The following ARFGEF3 variants were observed in gnomAD, a reference collection of about 807,000 sequenced individuals.
ARFGEF3 encodes the protein ARFGEF family member 3.
A neutral mutation model predicts 221.7 loss-of-function variants in ARFGEF3; 96 were observed. The observed-to-expected ratio is 0.43, with a 90% CI of 0.37 to 0.51. ARFGEF3 has a LOEUF of 0.51. Ranked by LOEUF, ARFGEF3 falls within the 20% of genes least tolerant of loss-of-function variation. The pLI is 0.00. For synonymous variants in ARFGEF3, 1,145 were observed against 1,126.8 expected (o/e 1.02, Z -0.32); for missense variants, 2,410 against 2,789.9 (o/e 0.86, Z 3.07).
In ARFGEF3 at chr6:138,207,043, G is replaced by A; in HGVS notation, c.139G>A (p.Glu47Lys). Residue 47 changes from glutamate to lysine, a missense_variant and splice_region_variant, in exon 3 of 34, where the codon GAG becomes AAG. Glu to Lys is a moderately conservative substitution (Grantham distance 56). Transcript: ENST00000251691. ...IVKIPPHVLR[E>K]KCLLPLQLAL... Reference sequence around the variant, plus strand: ...TGTCCTTATTTTTGTGTTTGCCAGGGAGAAATGCCTGCTGCCTCTCCAGTT... The same window carrying A: ...TGTCCTTATTTTTGTGTTTGCCAGGAAGAAATGCCTGCTGCCTCTCCAGTT... The A allele has an allele frequency of 1.9e-6, 3 of 1,607,462 alleles. No homozygotes were observed. The highest frequency in any genetic ancestry group is 1.1e-5 in the South Asian group (1 of 89,104).
At chr6:138,315,885 G>A (rs888348200) in intron 26 of ARFGEF3, among the ~76,000 whole-genome samples, 1 of 151,998 alleles carries the variant, frequency 6.6e-6, no homozygotes, top group Non-Finnish European at 1.5e-5. Context: ...CAGATTAGTT[G>A]TGAGGAATAA....
intron 4 of ARFGEF3, among the ~76,000 whole-genome samples, chr6:138,223,670 G>A (rs11970367): frequency 0.02 from 2,970 of 152,166 alleles, 87 homozygotes; most frequent in African/African-American, 0.064. Context: ...GGGGTAGGTT[G>A]ACTCCCCAAA....
chr6:138,287,189 C>G lies in ARFGEF3; in HGVS notation c.2896+5C>G. The G allele has an allele frequency of 6.4e-7, 1 of 1,556,442 alleles. No individual in the cohort carries two copies. On this transcript the variant is annotated splice_donor_5th_base_variant and intron_variant, in intron 17 of 33. Transcript: ENST00000251691. ...CCAGTGATGCCATCACACAAGGTAA[C>G]AACTGGAGGGCCAGAACCCACCTGG...
intron 7 of ARFGEF3, among the ~76,000 whole-genome samples, chr6:138,244,501 A>G (rs1778449423): frequency 6.6e-6 from 1 of 152,228 alleles, no homozygotes; most frequent in South Asian, 2.1e-4. Context: ...CCAAGCTCAC[A>G]CAATCAGCAG....
In ARFGEF3 at chr6:138,287,661, G is replaced by C. The variant is rs372197721; in HGVS notation, c.2896+477G>C. ...AGCTTTGTGAACTCGAGAAATGGCT[G>C]ATTTTTAACTTGATGAAATCAGTGA... is the stretch of plus-strand genomic sequence containing the variant. On this transcript the variant is annotated intron_variant, in intron 17 of 33. Coordinates refer to ENST00000251691, the MANE Select transcript of ARFGEF3 (RefSeq NM_020340.5). 8.5e-5 allele frequency among the ~76,000 whole-genome samples: 13 copies of C among 152,218 alleles called. No individual in the cohort carries two copies. In the East Asian group the frequency reaches 1.9e-3, roughly 23 times the overall value.
chr6:138,331,102 G>T (rs544813957), intron 32 of ARFGEF3, among the ~76,000 whole-genome samples: 1 of 152,216 alleles, frequency 6.6e-6, no homozygotes, highest in South Asian at 2.1e-4. Flanking sequence ...GGAATAATAG[G>T]CTGCATTCAA....
chr6:138,178,202 C>G (rs536215741), intron 2 of ARFGEF3, among the ~76,000 whole-genome samples: 1 of 152,150 alleles, frequency 6.6e-6, no homozygotes, highest in South Asian at 2.1e-4. Flanking sequence ...CCTCACCATT[C>G]TTATGTCCTA....
chr6:138,290,517 A>G (rs1042297102), intron 18 of ARFGEF3, among the ~76,000 whole-genome samples: 1 of 152,252 alleles, frequency 6.6e-6, no homozygotes, highest in Non-Finnish European at 1.5e-5. Flanking sequence ...CAAAGTGAAA[A>G]GAAACTCCCA....
intron 22 of ARFGEF3, among the ~76,000 whole-genome samples, chr6:138,299,223 A>AT (rs1184580949): frequency 1.3e-5 from 2 of 151,102 alleles, no homozygotes; most frequent in African/African-American, 4.9e-5. Context: ...AAAAAAAAAA[A>AT]ACAGAAAAGT....
chr6:138,181,548 A>G (rs1777079167), intron 2 of ARFGEF3, among the ~76,000 whole-genome samples: 1 of 152,150 alleles, frequency 6.6e-6, no homozygotes, highest in Admixed American at 6.5e-5. Context: ...GGTTCAAGCA[A>G]TTCTCCTGCC....
intron 29 of ARFGEF3, among the ~76,000 whole-genome samples, chr6:138,322,907 G>T (rs1780059680): frequency 6.6e-6 from 1 of 151,762 alleles, no homozygotes; most frequent in African/African-American, 2.4e-5. Flanking sequence ...CGGGTCACAT[G>T]AAAAATGGTG....
chr6:138,238,690 C>T, intron 6 of ARFGEF3, 59 bp downstream of exon 6: 2 of 1,567,542 alleles, frequency 1.3e-6, no homozygotes, highest in South Asian at 2.3e-5. Context: ...GTATCCCATG[C>T]CCCGGGGCCC....
chr6:138,328,003 C>T lies in ARFGEF3; in HGVS notation c.5002-18C>T. On this transcript the variant is annotated intron_variant, in intron 31 of 33. Coordinates refer to ENST00000251691, the MANE Select transcript of ARFGEF3 (RefSeq NM_020340.5). Reference sequence around the variant, plus strand: ...AGGACACTGGAGTTCTGAAATGTACCTTTGCACCCCCATACAGGTGTTTAT... The same window carrying T: ...AGGACACTGGAGTTCTGAAATGTACTTTTGCACCCCCATACAGGTGTTTAT... 1 of 1,549,758 alleles carries T rather than the reference C, an allele frequency of 6.5e-7. No individual in the cohort carries two copies. Among genetic ancestry groups the T allele is most frequent in the Non-Finnish European group, 8.7e-7 (1 of 1,145,908 alleles).
intron 14 of ARFGEF3, 127 bp downstream of exon 14, chr6:138,280,291 GC>G: frequency 3.4e-6 from 3 of 872,026 alleles, no homozygotes; most frequent in Non-Finnish European, 5.3e-6. Context: ...AGCTTCCCTG[GC>G]AATGGTGACA....
At position 138,341,298 on chromosome 6, in the gene ARFGEF3, A is replaced by G. The variant is rs1432370058; in HGVS notation, c.*4812A>G. On this transcript the variant is annotated 3_prime_UTR_variant, in exon 34 of 34. Coordinates refer to ENST00000251691, the MANE Select transcript of ARFGEF3 (RefSeq NM_020340.5). ...AATGGATAACCATTTTTCAAAATGT[A>G]CATTCTCTGAAGAGGAAGCAGCTGG... 2 of 154,866 alleles carry G rather than the reference A, an allele frequency of 1.3e-5. No homozygotes were observed. The highest frequency in any genetic ancestry group is 2.9e-5 in the Non-Finnish European group (2 of 68,236). The allele number at this position is 154,866 out of a possible 1,614,324, so 9.6% of individuals were successfully genotyped here.
At position 138,258,937 on chromosome 6, in the gene ARFGEF3, A is replaced by G. The variant is rs542615531; in HGVS notation, c.1105-2590A>G. Among the ~76,000 whole-genome samples, 5 of 152,298 alleles carry G rather than the reference A, an allele frequency of 3.3e-5. 1 individual carries two copies. The highest frequency in any genetic ancestry group is 1.2e-4 in the African/African-American group (5 of 41,568). ...CCATAGGTCTCTAAATGTGTTTTAA[A>G]TAATTTCCTTTGTACTGCAAAAGGA... On this transcript the variant is annotated intron_variant, in intron 10 of 33. Transcript: ENST00000251691.
intron 15 of ARFGEF3, among the ~76,000 whole-genome samples, chr6:138,286,264 C>G (rs1779287433): frequency 6.6e-6 from 1 of 152,116 alleles, no homozygotes; most frequent in African/African-American, 2.4e-5. Flanking sequence ...TCCTGGCTAA[C>G]ACGGTGAAAC....
chr6:138,245,657 C>A, intron 8 of ARFGEF3, 66 bp downstream of exon 8: 2 of 1,150,726 alleles, frequency 1.7e-6, no homozygotes, highest in South Asian at 1.3e-5. Context: ...CCTTTGTCTG[C>A]AGCATCACTT....
At chr6:138,300,513 A>C (rs911613247) in intron 22 of ARFGEF3, among the ~76,000 whole-genome samples, 1 of 152,256 alleles carries the variant, frequency 6.6e-6, no homozygotes, top group African/African-American at 2.4e-5. Flanking sequence ...AAGAACTACA[A>C]GGCCAAGATC....
Sources: allele counts gnomAD v4.1 joint callset (sites outside exome capture counted in the v4.1 genomes callset), GRCh38; gene constraint gnomAD v4.1.1; transcripts MANE v1.5; gene names NCBI Gene and HGNC (gene_info 2026-07-23, HGNC 2026-07-21).